The following HYAL4 variants were observed in gnomAD, a reference collection of about 807,000 sequenced individuals.
HYAL4 encodes hyaluronidase-4.
Under a neutral mutation model 35.2 loss-of-function variants are expected in HYAL4, and 37 were observed. The ratio of observed to expected loss-of-function variants is 1.05; its 90% confidence interval spans 0.81 to 1.38. The LOEUF is 1.38. Among genes scored for constraint, HYAL4 ranks in the 40% most tolerant of loss-of-function variants. The pLI, the probability that HYAL4 is intolerant of heterozygous loss-of-function variation, is 0.00. For missense variants in HYAL4, 572 were observed against 572.4 expected (o/e 1.00, Z 0.01); for synonymous variants, 198 against 203.2 (o/e 0.97, Z 0.22).
chr7:123,825,112 T>TTC (rs1195916528), upstream of HYAL4, among the ~76,000 whole-genome samples: 258 of 151,498 alleles, frequency 1.7e-3, 1 homozygote, highest in African/African-American at 5.8e-3. Flanking sequence ...AAATCTCTCT[T>TTC]TCTCTCTCTC....
At chr7:123,861,617 G>A (rs2116945872) in intron 2 of HYAL4, among the ~76,000 whole-genome samples, 1 of 152,190 alleles carries the variant, frequency 6.6e-6, no homozygotes, top group African/African-American at 2.4e-5. Flanking sequence ...AAATTTGCTT[G>A]CTTCATTAAA....
At chr7:123,828,269 A>G (rs1326392820), upstream of HYAL4, among the ~76,000 whole-genome samples, 1 of 152,184 alleles carries the variant, frequency 6.6e-6, no homozygotes, top group Non-Finnish European at 1.5e-5. Flanking sequence ...TTATATTATG[A>G]AATACTGACC....
chr7:123,843,643 A>C (rs1806113538), upstream of HYAL4, among the ~76,000 whole-genome samples: 1 of 151,932 alleles, frequency 6.6e-6, no homozygotes. Flanking sequence ...CCAATCAAAC[A>C]TACATTTGGT....
chr7:123,877,274 A>G lies in HYAL4; in HGVS notation c.*119A>G. ...TTGAGAGATATTATAAGTAGACATT[A>G]TGTATGTCACTTAACATAAACAGAA... On this transcript the variant is annotated 3_prime_UTR_variant, in exon 5 of 5. Transcript: ENST00000223026. The G allele has an allele frequency of 1.0e-6, 1 of 987,096 alleles. No individual in the cohort carries two copies. Among genetic ancestry groups the G allele is most frequent in the Non-Finnish European group, 1.5e-6 (1 of 673,816 alleles). 61.1% of individuals were successfully genotyped at this position (987,096 alleles called of 1,614,324 possible). A position where few individuals can be genotyped will look rare whatever the true frequency, so the allele number is the denominator to read the frequency against.
the HYAL4 span, among the ~76,000 whole-genome samples, chr7:123,799,674 T>C: frequency 1.3e-5 from 2 of 151,938 alleles, no homozygotes; most frequent in East Asian, 3.9e-4. Context: ...AACATTTTGC[T>C]AACATTTTTG....
chr7:123,850,839 C>G lies in HYAL4; in HGVS notation c.-52+2681C>G, dbSNP rs141074911. ...GAATTCCAGAACGACCTTATTGCAT[C>G]CTTAGTCTAACCCAAAATCTATGAT... is the stretch of plus-strand genomic sequence containing the variant. On this transcript the variant is annotated intron_variant, in intron 2 of 4. Transcript: ENST00000223026. Among the ~76,000 whole-genome samples the G allele has an allele frequency of 9.9e-5, 15 of 152,270 alleles. No homozygotes were observed. The East Asian group carries it at 2.7e-3, about 27-fold the overall frequency.
intron 2 of HYAL4, among the ~76,000 whole-genome samples, chr7:123,855,718 G>C (rs1208454620): frequency 6.6e-6 from 1 of 152,064 alleles, no homozygotes; most frequent in Non-Finnish European, 1.5e-5. Context: ...GGTGGTTTCT[G>C]TATTTCCTGA....
chr7:123,788,400 G>A, the HYAL4 span, among the ~76,000 whole-genome samples: 1 of 152,158 alleles, frequency 6.6e-6, no homozygotes, highest in East Asian at 1.9e-4. Context: ...AGAATTCAAG[G>A]ACAAATCTCT....
At chr7:123,839,321 CT>C (rs1183509147) in intron 1 of HYAL4, among the ~76,000 whole-genome samples, 1 of 152,080 alleles carries the variant, frequency 6.6e-6, no homozygotes, top group African/African-American at 2.4e-5. Context: ...TGAACTCATC[CT>C]TTTTTATGGC....
At chr7:123,789,717 G>T in the HYAL4 span, among the ~76,000 whole-genome samples, 1 of 152,104 alleles carries the variant, frequency 6.6e-6, no homozygotes, top group South Asian at 2.1e-4. Context: ...TATTGGATTA[G>T]TCAGAGTTCT....
the HYAL4 span, among the ~76,000 whole-genome samples, chr7:123,779,719 G>C: frequency 6.6e-6 from 1 of 151,964 alleles, no homozygotes; most frequent in African/African-American, 2.4e-5. Context: ...ATTTAGGAGA[G>C]AATCAAGCTT....
chr7:123,813,945 GTT>G, the HYAL4 span, among the ~76,000 whole-genome samples: 4 of 152,084 alleles, frequency 2.6e-5, no homozygotes, highest in African/African-American at 9.7e-5. Flanking sequence ...ACTTTTTATA[GTT>G]TTTATTGAGT....
upstream of HYAL4, among the ~76,000 whole-genome samples, chr7:123,825,729 T>C (rs922245712): frequency 4.6e-5 from 7 of 152,288 alleles, no homozygotes; most frequent in East Asian, 1.9e-4. Flanking sequence ...AGTCAATCAA[T>C]CAATCATGTC....
At chr7:123,767,818 C>G in the HYAL4 span, among the ~76,000 whole-genome samples, 1 of 152,062 alleles carries the variant, frequency 6.6e-6, no homozygotes, top group African/African-American at 2.4e-5. Flanking sequence ...GTTTGTTTAC[C>G]AGTGGTAGGG....
the HYAL4 span, among the ~76,000 whole-genome samples, chr7:123,799,156 T>C: frequency 6.6e-6 from 1 of 152,194 alleles, no homozygotes; most frequent in African/African-American, 2.4e-5. Flanking sequence ...CAAACTCTTT[T>C]AGTATTGATA....
chr7:123,860,584 T>C (rs747083421), intron 2 of HYAL4, among the ~76,000 whole-genome samples: 2 of 152,216 alleles, frequency 1.3e-5, no homozygotes, highest in African/African-American at 4.8e-5. Flanking sequence ...TTCTTTGTTA[T>C]AGGTGCATAG....
At chr7:123,811,670 TG>T in the HYAL4 span, among the ~76,000 whole-genome samples, 1 of 152,162 alleles carries the variant, frequency 6.6e-6, no homozygotes, top group Non-Finnish European at 1.5e-5. Flanking sequence ...ACAGATGAGA[TG>T]TTTTTAATGA....
intron 1 of HYAL4, among the ~76,000 whole-genome samples, chr7:123,846,102 A>C (rs1391793657): frequency 1.3e-5 from 2 of 152,200 alleles, no homozygotes; most frequent in Non-Finnish European, 2.9e-5. Flanking sequence ...TTGGTTGCTT[A>C]ATGCACTATT....
At chr7:123,764,401 A>G in the HYAL4 span, among the ~76,000 whole-genome samples, 1 of 152,346 alleles carries the variant, frequency 6.6e-6, no homozygotes, top group Non-Finnish European at 1.5e-5. Flanking sequence ...CTTAAAATGA[A>G]TTGAACTTAT....
Sources: allele counts gnomAD v4.1 joint callset (sites outside exome capture counted in the v4.1 genomes callset), GRCh38; gene constraint gnomAD v4.1.1; transcripts MANE v1.5; gene names NCBI Gene and HGNC (gene_info 2026-07-23, HGNC 2026-07-21).